UNC5D: variants seen among roughly 807,000 people sequenced by gnomAD.
UNC5D encodes netrin receptor UNC5D.
Under a neutral mutation model 105.4 loss-of-function variants are expected in UNC5D, and 39 were observed. The ratio of observed to expected loss-of-function variants is 0.37; its 90% CI spans 0.29 to 0.48. The LOEUF is 0.48. Ranked by LOEUF, UNC5D falls within the 20% of genes least tolerant of loss-of-function variation. UNC5D has a pLI of 0.98. For synonymous variants in UNC5D, 452 were observed against 450.4 expected, an observed-to-expected ratio of 1.00 and a Z score of -0.04; for missense variants, 991 against 1,202.4, an observed-to-expected ratio of 0.82 and a Z score of 2.60.
chr8:35,586,158 C>G (rs943403412), intron 3 of UNC5D, among the ~76,000 whole-genome samples: 1 of 152,128 alleles, frequency 6.6e-6, no homozygotes, highest in Non-Finnish European at 1.5e-5. Context: ...CCTGTAATCC[C>G]AGCTACTCCA....
At chr8:35,477,686 G>A (rs559910655) in intron 1 of UNC5D, among the ~76,000 whole-genome samples, 1 of 152,152 alleles carries the variant, frequency 6.6e-6, no homozygotes, top group East Asian at 1.9e-4. Flanking sequence ...TTCATCTAGA[G>A]TCTCGTGGCC....
intron 1 of UNC5D, among the ~76,000 whole-genome samples, chr8:35,279,734 C>G (rs1216069313): frequency 6.6e-6 from 1 of 152,182 alleles, no homozygotes; most frequent in African/African-American, 2.4e-5. Flanking sequence ...ACTTGCTTTG[C>G]TTCAGAAAGA....
intron 1 of UNC5D, among the ~76,000 whole-genome samples, chr8:35,528,039 G>GTTTTTT (rs398007485): frequency 8.0e-6 from 1 of 125,126 alleles, no homozygotes; most frequent in Non-Finnish European, 1.6e-5. Context: ...GAAACAGCTG[G>GTTTTTT]TTTTTTTTTT....
intron 15 of UNC5D, among the ~76,000 whole-genome samples, chr8:35,772,077 G>C (rs73578267): frequency 0.041 from 6,214 of 152,194 alleles, 421 homozygotes; most frequent in African/African-American, 0.14. Context: ...TAGTTTTGAT[G>C]AATATTGTTT....
chr8:35,405,400 A>T (rs953101742), intron 1 of UNC5D, among the ~76,000 whole-genome samples: 1 of 152,222 alleles, frequency 6.6e-6, no homozygotes, highest in African/African-American at 2.4e-5. Flanking sequence ...TCATAGAGTT[A>T]CTTCTGGATT....
In UNC5D at chr8:35,722,160, T is replaced by C. The variant is rs1457437438; in HGVS notation, c.1118-50T>C. 4 of 1,588,930 alleles carry C rather than the reference T, an allele frequency of 2.5e-6. No homozygotes were observed. In the African/African-American group the frequency reaches 5.4e-5, roughly 21 times the overall value. On this transcript the variant is annotated intron_variant, in intron 8 of 16. Transcript: ENST00000404895. The stretch of plus-strand genomic sequence containing the variant: ...TCCTTTTGTATTCCCGAGTGGTTCT[T>C]TGACTTTGTGCCCATGCTGGTCACT...
chr8:35,578,072 A>C (rs1818208959), intron 3 of UNC5D, among the ~76,000 whole-genome samples: 2 of 151,820 alleles, frequency 1.3e-5, no homozygotes, highest in Non-Finnish European at 2.9e-5. Context: ...TAAACATATA[A>C]AAATTAGCTA....
At chr8:35,294,088 C>CATT (rs1807283341) in intron 1 of UNC5D, among the ~76,000 whole-genome samples, 1 of 152,152 alleles carries the variant, frequency 6.6e-6, no homozygotes, top group Non-Finnish European at 1.5e-5. Flanking sequence ...TTGTCCAGGC[C>CATT]TTCTTGTTAT....
chr8:35,395,492 G>A (rs1804036698), intron 1 of UNC5D, among the ~76,000 whole-genome samples: 1 of 152,128 alleles, frequency 6.6e-6, no homozygotes, highest in South Asian at 2.1e-4. Context: ...CTAACATTTG[G>A]ATTTTCTTTT....
At chr8:35,717,598 G>A (rs1049740699) in intron 8 of UNC5D, among the ~76,000 whole-genome samples, 12 of 152,076 alleles carry the variant, frequency 7.9e-5, no homozygotes, top group African/African-American at 2.2e-4. Context: ...CTGTAAAGTC[G>A]TGCTTTCTTT....
At chr8:35,513,848 A>C (rs531714012) in intron 1 of UNC5D, among the ~76,000 whole-genome samples, 62 of 152,314 alleles carry the variant, frequency 4.1e-4, no homozygotes, top group African/African-American at 1.4e-3. Context: ...AAATCCATGA[A>C]AAGTTTGCTT....
chr8:35,571,643 A>G (rs1422604552), intron 3 of UNC5D, among the ~76,000 whole-genome samples: 1 of 152,200 alleles, frequency 6.6e-6, no homozygotes, highest in Non-Finnish European at 1.5e-5. Context: ...CTTTCATTCT[A>G]TATGGGGATG....
chr8:35,418,643 C>T (rs954128814), intron 1 of UNC5D, among the ~76,000 whole-genome samples: 10 of 152,034 alleles, frequency 6.6e-5, no homozygotes, highest in Non-Finnish European at 1.2e-4. Flanking sequence ...CAAGAAAAGG[C>T]GAGAATTAAT....
rs1394989657 is a variant in UNC5D, at chr8:35,247,992, TAA to T, written c.103+12107_103+12108del. 4.7e-3 allele frequency among the ~76,000 whole-genome samples: 113 copies of T among 23,816 alleles called. 10 individuals carry two copies. Among genetic ancestry groups the T allele is most frequent in the Non-Finnish European group, 5.5e-3 (88 of 16,026 alleles). 15.6% of individuals were successfully genotyped at this position (23,816 alleles called of 152,430 possible). ...ATATAAAATATATATAATATATAAA[TAA>T]ATATTATATATAAAATATATATAAT... On this transcript the variant is annotated intron_variant, in intron 1 of 16. Transcript: ENST00000404895.
chr8:35,719,151 C>CACAT (rs1324921568), intron 8 of UNC5D, among the ~76,000 whole-genome samples: 1 of 132,428 alleles, frequency 7.6e-6, no homozygotes, highest in Non-Finnish European at 1.5e-5. Flanking sequence ...TACACACACA[C>CACAT]ACACACACAC....
At chr8:35,693,946 G>T (rs983982217) in intron 7 of UNC5D, among the ~76,000 whole-genome samples, 4 of 152,124 alleles carry the variant, frequency 2.6e-5, no homozygotes, top group African/African-American at 9.7e-5. Context: ...AATTTGGGCA[G>T]CTGGAGAGCA....
intron 1 of UNC5D, among the ~76,000 whole-genome samples, chr8:35,266,083 C>A (rs996450569): frequency 1.3e-5 from 2 of 151,930 alleles, no homozygotes; most frequent in Non-Finnish European, 2.9e-5. Flanking sequence ...AAATAAGCCT[C>A]CAGAACATTA....
At chr8:35,494,844 C>T (rs890545111) in intron 1 of UNC5D, among the ~76,000 whole-genome samples, 1 of 152,082 alleles carries the variant, frequency 6.6e-6, no homozygotes, top group Non-Finnish European at 1.5e-5. Flanking sequence ...CTTTTATTTG[C>T]TCCGCTTTAA....
At chr8:35,471,125 C>T (rs1019333795) in intron 1 of UNC5D, among the ~76,000 whole-genome samples, 7 of 152,172 alleles carry the variant, frequency 4.6e-5, no homozygotes, top group Admixed American at 2.0e-4. Context: ...CCCTCAATAC[C>T]GAGCTGTTGC....
Sources: gnomAD v4.1 joint callset for allele counts (sites outside exome capture counted in the v4.1 genomes callset) on GRCh38, gnomAD v4.1.1 for gene constraint, MANE v1.5 for transcripts, NCBI Gene and HGNC (gene_info 2026-07-23, HGNC 2026-07-21) for gene names.